Variants in RUSC1 observed in about 807,000 individuals in gnomAD.
RUSC1 encodes RUN and SH3 domain containing 1.
Under a neutral mutation model 72.1 loss-of-function variants are expected in RUSC1, and 40 were observed. The ratio of observed to expected loss-of-function variants is 0.55; its 90% CI spans 0.43 to 0.72. RUSC1 has a LOEUF of 0.72. Among genes scored for constraint, RUSC1 ranks in the 30% least tolerant of loss-of-function variants. The pLI is 0.00. For synonymous variants in RUSC1, 512 were observed against 494.2 expected (o/e 1.04, Z -0.48); for missense variants, 1,092 against 1,172.3 (o/e 0.93, Z 1.00).
In RUSC1 at chr1:155,323,022, C is replaced by A. The variant is rs1203038521; in HGVS notation, c.1249C>A (p.Leu417Met). Reference sequence around the variant, plus strand: ...CCGAAGGAAGAAGAACCGACCTGGACTGCAGCCCATAGCGGAGGGGCAGTC... The same window carrying A: ...CCGAAGGAAGAAGAACCGACCTGGAATGCAGCCCATAGCGGAGGGGCAGTC... The part of the protein sequence containing the change: ...PPRRKKNRPG[L>M]QPIAEGQSEE... Residue 417 changes from leucine (L) to methionine (M), a missense_variant, in exon 2 of 10, where the codon CTG becomes ATG. By Grantham distance (15) the Leu-to-Met change is conservative. Transcript: ENST00000368352. The A allele has an allele frequency of 2.0e-6, 3 of 1,479,486 alleles. No individual in the cohort carries two copies. Among genetic ancestry groups the A allele is most frequent in the Admixed American group, 4.7e-5 (2 of 42,336 alleles). 91.6% of individuals were successfully genotyped at this position (1,479,486 alleles called of 1,614,324 possible).
intron 2 of RUSC1, chr1:155,324,569 G>A (rs1208613172): frequency 6.3e-7 from 1 of 1,577,976 alleles, no homozygotes; most frequent in Admixed American, 2.0e-5. Context: ...CCCGCTCCCG[G>A]AGTTCCGGGA....
Position 155,322,963 on chromosome 1 carries a change from T to TA in RUSC1, c.1190_1191insA (p.Pro399AlafsTer57). ...GACCCCCCAGTTGGCTGGGCTTTGG[T>TA]CCCGCCCCGGCCCCCACCCCCGCCT... On this transcript the variant is annotated frameshift_variant, in exon 2 of 10. Transcript: ENST00000368352. LOFTEE classifies it high-confidence loss of function. 2 of 1,451,500 alleles carry TA rather than the reference T, an allele frequency of 1.4e-6. No individual in the cohort carries two copies. Among genetic ancestry groups the TA allele is most frequent in the Non-Finnish European group, 1.9e-6 (2 of 1,073,058 alleles). The allele number at this position is 1,451,500 out of a possible 1,614,324, so 89.9% of individuals were successfully genotyped here.
In RUSC1 at chr1:155,322,380, G is replaced by A. The variant is rs564372160; in HGVS notation, c.607G>A (p.Ala203Thr). ...SPGLEEEDER[A>T]EQDLPTSELL... The stretch of plus-strand genomic sequence containing the variant: ...AGGCTTGGAGGAAGAGGACGAGAGG[G>A]CGGAGCAGGATCTCCCTACCTCTGA... The change falls in exon 2 of 10, where the codon GCG (alanine) becomes ACG (threonine). Residue 203 changes from alanine (A) to threonine (T), a missense_variant. By Grantham distance (58) the Ala-to-Thr change is moderately conservative. Transcript: ENST00000368352. 27 of 1,614,020 alleles carry A rather than the reference G, an allele frequency of 1.7e-5. No homozygotes were observed. Among genetic ancestry groups the A allele is most frequent in the Non-Finnish European group, 2.1e-5 (25 of 1,179,976 alleles).
chr1:155,323,537 T>A, intron 2 of RUSC1: 1 of 155,192 alleles, frequency 6.4e-6, no homozygotes, highest in Non-Finnish European at 1.4e-5. Context: ...GGCGCCGGGC[T>A]GCGGCTGCTG....
intron 1 of RUSC1, 30 bp downstream of exon 1, chr1:155,321,021 C>T (rs1557986689): frequency 1.3e-6 from 2 of 1,492,332 alleles, no homozygotes; most frequent in African/African-American, 2.8e-5. Context: ...TGGGTGTAGA[C>T]CGATGGACCT....
At chr1:155,329,953 G>GAA (rs1025418792) in intron 9 of RUSC1, among the ~76,000 whole-genome samples, 47 of 45,966 alleles carry the variant, frequency 1.0e-3, no homozygotes, top group Admixed American at 1.3e-3. Flanking sequence ...TCTGTCTCAA[G>GAA]AAAAAAAAAA....
intron 1 of RUSC1, chr1:155,321,232 C>A: frequency 7.4e-7 from 1 of 1,358,370 alleles, no homozygotes; most frequent in Non-Finnish European, 9.8e-7. Flanking sequence ...CTTTTCCTCT[C>A]CAGCCCCCAC....
In RUSC1 at chr1:155,326,178, C is replaced by T. The variant is rs1256290646; in HGVS notation, c.1861+268C>T. ...GCCTGGCCCTTCCTGCTCCAGGGCC[C>T]TGCTTATGCTGTTCCTCTACCTTCT... On this transcript the variant is annotated intron_variant, in intron 7 of 9. Coordinates refer to ENST00000368352, the MANE Select transcript of RUSC1 (RefSeq NM_001105203.2). The surrounding 1 kb of genome is among the most constrained non-coding windows in gnomAD (Gnocchi z 4.7). The T allele has an allele frequency of 5.2e-6, 3 of 577,824 alleles. No homozygotes were observed. Among genetic ancestry groups the T allele is most frequent in the Non-Finnish European group, 9.2e-6 (3 of 324,376 alleles). The allele number at this position is 577,824 out of a possible 1,614,324, so 35.8% of individuals were successfully genotyped here. A position where few individuals can be genotyped will look rare whatever the true frequency, so the allele number is the denominator to read the frequency against.
At position 155,324,542 on chromosome 1, in the gene RUSC1, G is replaced by A. The variant is rs1176261803; in HGVS notation, c.1358-303G>A. 4.4e-6 allele frequency: 7 copies of A among 1,591,808 alleles called. No individual in the cohort carries two copies. The East Asian group carries it at 1.6e-4, about 36-fold the overall frequency. On this transcript the variant is annotated intron_variant, in intron 2 of 9. Coordinates refer to ENST00000368352, the MANE Select transcript of RUSC1 (RefSeq NM_001105203.2). ...CTACAGGCCCTAGCAGGGCAGGCGG[G>A]AGGTGAGCGCGGCCATCCCGCTCCC...
rs1397109003 is a variant in RUSC1 at position 155,324,140 on chromosome 1, C to T, written c.1358-705C>T. On this transcript the variant is annotated intron_variant, in intron 2 of 9. Transcript: ENST00000368352. ...CTGTTGTTAGGGGCTTTGGGTCACACCCTCTGTGGAATTCCTTGGCCTGTG... is the reference window on the plus strand; with the variant it reads ...CTGTTGTTAGGGGCTTTGGGTCACATCCTCTGTGGAATTCCTTGGCCTGTG... The T allele has an allele frequency of 1.1e-5, 15 of 1,305,524 alleles. No homozygotes were observed. The Admixed American group carries it at 3.0e-4, about 26-fold the overall frequency. The allele number at this position is 1,305,524 out of a possible 1,614,324, so 80.9% of individuals were successfully genotyped here.
In RUSC1 at chr1:155,330,492, T is replaced by C. The variant is rs748547767; in HGVS notation, c.2630T>C (p.Val877Ala). The change falls in exon 10 of 10, where the codon GTG becomes GCG. Residue 877 changes from valine to alanine, a missense_variant. Physicochemically the swap from Val to Ala is moderately conservative, Grantham distance 64. Transcript: ENST00000368352. ...GAAGTGCTGCGTGTCATCACCACAGTGGATGAGGACTGGCTCCGCTGTGGG... is the reference window on the plus strand; with the variant it reads ...GAAGTGCTGCGTGTCATCACCACAGCGGATGAGGACTGGCTCCGCTGTGGG... Reference protein sequence around the residue: ...RGEVLRVITTVDEDWLRCGRD... With the variant: ...RGEVLRVITTADEDWLRCGRD... 8 of 1,613,830 alleles carry C rather than the reference T, an allele frequency of 5.0e-6. No homozygotes were observed. Among genetic ancestry groups the C allele is most frequent in the Non-Finnish European group, 5.1e-6 (6 of 1,179,970 alleles).
chr1:155,325,696 C>A lies in RUSC1; in HGVS notation c.1814+24C>A. ...AAGTGAGTTGCCTTCTTTCCAGTGC[C>A]CTTCCCACGACCTGGGACTGCAGGA... On this transcript the variant is annotated intron_variant, in intron 6 of 9. Transcript: ENST00000368352. This position sits in a 1 kb window ranked among gnomAD's most constrained non-coding sequence, Gnocchi z 6.5. 1 of 1,611,646 alleles carries A rather than the reference C, an allele frequency of 6.2e-7. No individual in the cohort carries two copies. The highest frequency in any genetic ancestry group is 1.1e-5 in the South Asian group (1 of 90,924).
chr1:155,321,209 C>T, intron 1 of RUSC1: 2 of 1,362,696 alleles, frequency 1.5e-6, no homozygotes, highest in Middle Eastern at 2.1e-4. Context: ...GACAAGCTGA[C>T]GGCTGCTCCA....
At position 155,324,575 on chromosome 1, in the gene RUSC1, C is replaced by G. The variant is rs776253497; in HGVS notation, c.1358-270C>G. On this transcript the variant is annotated intron_variant, in intron 2 of 9. Coordinates refer to ENST00000368352, the MANE Select transcript of RUSC1 (RefSeq NM_001105203.2). ...CGCGGCCATCCCGCTCCCGGAGTTC[C>G]GGGATCCTGGAGGTGGGGGCTGTGC... The G allele has an allele frequency of 3.8e-6, 6 of 1,574,768 alleles. No individual in the cohort carries two copies. In the African/African-American group the frequency reaches 8.2e-5, roughly 21 times the overall value.
chr1:155,321,138 T>A, intron 1 of RUSC1, 147 bp downstream of exon 1: 1 of 1,378,742 alleles, frequency 7.3e-7, no homozygotes, highest in Non-Finnish European at 9.7e-7. Flanking sequence ...GACATACCGC[T>A]GTTCCGAGGG....
At chr1:155,329,953 G>GAAAAA (rs1025418792) in intron 9 of RUSC1, among the ~76,000 whole-genome samples, 1 of 45,954 alleles carries the variant, frequency 2.2e-5, no homozygotes, top group Admixed American at 2.6e-4. Context: ...TCTGTCTCAA[G>GAAAAA]AAAAAAAAAA....
chr1:155,321,031 T>C, intron 1 of RUSC1, 40 bp downstream of exon 1: 3 of 1,477,948 alleles, frequency 2.0e-6, no homozygotes, highest in Non-Finnish European at 1.8e-6. Flanking sequence ...CCGATGGACC[T>C]GGGCACGAGG....
chr1:155,324,575 CG>C, intron 2 of RUSC1: 1 of 1,574,886 alleles, frequency 6.3e-7, no homozygotes, highest in Non-Finnish European at 8.6e-7. Flanking sequence ...CCCGGAGTTC[CG>C]GGATCCTGGA....
chr1:155,323,563 C>G (rs1253650391), intron 2 of RUSC1: 2 of 154,042 alleles, frequency 1.3e-5, no homozygotes, highest in Admixed American at 1.3e-4. Flanking sequence ...GCCGAGCCCC[C>G]CAGAGGAGCA....
Sources: allele counts gnomAD v4.1 joint callset (sites outside exome capture counted in the v4.1 genomes callset), GRCh38; gene constraint gnomAD v4.1.1; non-coding constraint Gnocchi (gnomAD v3.1); transcripts MANE v1.5; gene names NCBI Gene and HGNC (gene_info 2026-07-23, HGNC 2026-07-21).